The following UBASH3A variants were observed in gnomAD, a reference collection of about 807,000 sequenced individuals.
UBASH3A encodes ubiquitin associated and SH3 domain containing A.
A neutral mutation model predicts 73.5 loss-of-function variants in UBASH3A; 63 were observed. The observed-to-expected ratio is 0.86, with a 90% CI of 0.70 to 1.06. The LOEUF is 1.06. UBASH3A is among the 50% of genes least tolerant of loss of function. UBASH3A has a pLI of 0.00. For missense variants in UBASH3A, 860 were observed against 859.0 expected (o/e 1.00, Z -0.02); for synonymous variants, 363 against 351.1 (o/e 1.03, Z -0.38).
At chr21:42,444,932 G>T (rs778466837) in intron 14 of UBASH3A, among the ~76,000 whole-genome samples, 3 of 152,036 alleles carry the variant, frequency 2.0e-5, no homozygotes, top group Non-Finnish European at 4.4e-5. Context: ...GACGGTCCAG[G>T]AAGGAGTAAG....
At chr21:42,404,761 C>A (rs994270660) in intron 1 of UBASH3A, among the ~76,000 whole-genome samples, 1 of 152,206 alleles carries the variant, frequency 6.6e-6, no homozygotes, top group African/African-American at 2.4e-5. Flanking sequence ...GAGACAATCC[C>A]TTGAGTGTCT....
intron 10 of UBASH3A, among the ~76,000 whole-genome samples, chr21:42,436,577 ACT>A (rs1426425945): frequency 7.9e-5 from 12 of 152,026 alleles, no homozygotes; most frequent in Non-Finnish European, 1.2e-4. Flanking sequence ...TTAACTTATC[ACT>A]CTGTAAAAAT....
chr21:42,436,906 C>T (rs1019415517), intron 10 of UBASH3A, among the ~76,000 whole-genome samples: 2 of 152,246 alleles, frequency 1.3e-5, no homozygotes, highest in African/African-American at 4.8e-5. Context: ...AAGCCCAGGC[C>T]CACGAGGCTG....
Position 42,444,442 on chromosome 21 carries a change from T to C in UBASH3A, c.1739-92T>C, listed in dbSNP as rs1271068556. ...CGCCAGGCTTCGGGGCACTCTGAGA[T>C]AGCTCTGCCCCCCACCACTTTGGGG... is the stretch of plus-strand genomic sequence containing the variant. On this transcript the variant is annotated intron_variant, in intron 13 of 14. Coordinates refer to ENST00000319294, the MANE Select transcript of UBASH3A (RefSeq NM_018961.4). 11 of 945,880 alleles carry C rather than the reference T, an allele frequency of 1.2e-5. 1 individual carries two copies. Among genetic ancestry groups the C allele is most frequent in the Non-Finnish European group, 1.9e-5 (11 of 588,264 alleles). 58.6% of individuals were successfully genotyped at this position (945,880 alleles called of 1,614,324 possible).
At chr21:42,427,423 G>A (rs2053457141) in intron 8 of UBASH3A, among the ~76,000 whole-genome samples, 1 of 152,182 alleles carries the variant, frequency 6.6e-6, no homozygotes, top group Non-Finnish European at 1.5e-5. Context: ...GCTGGCCTTT[G>A]TCTGGTTGCC....
chr21:42,408,883 A>AAAAACAAAAT (rs2053029758), intron 2 of UBASH3A, among the ~76,000 whole-genome samples: 2 of 115,416 alleles, frequency 1.7e-5, no homozygotes, highest in African/African-American at 6.9e-5. Flanking sequence ...ACTCCATCTC[A>AAAAACAAAAT]AAAATAAAAT....
At chr21:42,407,470 C>G (rs1034180992) in intron 2 of UBASH3A, among the ~76,000 whole-genome samples, 1 of 152,216 alleles carries the variant, frequency 6.6e-6, no homozygotes, top group African/African-American at 2.4e-5. Flanking sequence ...AGGGCATGGC[C>G]AGCACCTGCC....
At chr21:42,420,825 C>A (rs1163681802) in intron 7 of UBASH3A, among the ~76,000 whole-genome samples, 1 of 152,230 alleles carries the variant, frequency 6.6e-6, no homozygotes, top group African/African-American at 2.4e-5. Context: ...AATAACCTTG[C>A]TTTTGATTAA....
Position 42,413,655 on chromosome 21 carries a change from G to GTA in UBASH3A, c.667+132_667+133insTA. The GTA allele has an allele frequency of 2.9e-6, 2 of 698,750 alleles. No individual in the cohort carries two copies. Among genetic ancestry groups the GTA allele is most frequent in the Non-Finnish European group, 4.7e-6 (2 of 424,764 alleles). The allele number at this position is 698,750 out of a possible 1,614,324, so 43.3% of individuals were successfully genotyped here. On this transcript the variant is annotated intron_variant, in intron 5 of 14. Coordinates refer to ENST00000319294, the MANE Select transcript of UBASH3A (RefSeq NM_018961.4). This position sits in a 1 kb window ranked among gnomAD's most constrained non-coding sequence, Gnocchi z 4.5. ...CTGGGAAAGTGCCCCAGAAGGGTGTGCCAAGCATCAAGCCTGAGTGGGTGA... is the reference window on the plus strand; with the variant it reads ...CTGGGAAAGTGCCCCAGAAGGGTGTGTACCAAGCATCAAGCCTGAGTGGGTGA...
chr21:42,442,544 A>G lies in UBASH3A; in HGVS notation c.1579A>G (p.Met527Val). The change falls in exon 12 of 15, where the codon ATG (methionine) becomes GTG (valine). Residue 527 changes from methionine (M) to valine (V), a missense_variant. By Grantham distance (21) the Met-to-Val change is conservative (BLOSUM62 1). Transcript: ENST00000319294. ...AGCTGGCAAAACCACCCCAACCCTC[A>G]TGAGCCTGGAAGAGCTGAAAGAGGC... ...WEAGKTTPTL[M>V]SLEELKEANF... The G allele has an allele frequency of 6.2e-7, 1 of 1,614,208 alleles. No homozygotes were observed. Among genetic ancestry groups the G allele is most frequent in the Non-Finnish European group, 8.5e-7 (1 of 1,180,028 alleles).
chr21:42,421,796 G>A (rs876497), intron 7 of UBASH3A, among the ~76,000 whole-genome samples: 56,453 of 151,952 alleles, frequency 0.37, 11,090 homozygotes, highest in African/African-American at 0.5. Flanking sequence ...AAGAAAGAAC[G>A]TATTTTGAAG....
intron 10 of UBASH3A, among the ~76,000 whole-genome samples, chr21:42,435,982 TAGTTATAG>T (rs1047685699): frequency 1.0e-5 from 1 of 97,284 alleles, no homozygotes; most frequent in Non-Finnish European, 2.0e-5. Context: ...ATTATAGAGT[TAGTTATAG>T]AGTTATAGAG....
At chr21:42,420,702 G>A (rs956525833) in intron 7 of UBASH3A, among the ~76,000 whole-genome samples, 2 of 152,166 alleles carry the variant, frequency 1.3e-5, no homozygotes, top group Admixed American at 1.3e-4. Context: ...AGGACCACCC[G>A]GGTGATGGGA....
At chr21:42,430,195 T>C (rs1288713379) in intron 8 of UBASH3A, among the ~76,000 whole-genome samples, 1 of 152,192 alleles carries the variant, frequency 6.6e-6, no homozygotes, top group African/African-American at 2.4e-5. Context: ...GGGGGACCAC[T>C]CTTGCCAGAG....
At chr21:42,414,631 A>G (rs2146512742) in intron 5 of UBASH3A, among the ~76,000 whole-genome samples, 1 of 152,316 alleles carries the variant, frequency 6.6e-6, no homozygotes, top group East Asian at 1.9e-4. Flanking sequence ...GAGGCCGCAC[A>G]GAGACACAGA....
intron 2 of UBASH3A, among the ~76,000 whole-genome samples, chr21:42,408,948 T>TAAAAA (rs916144198): frequency 1.4e-5 from 2 of 144,164 alleles, no homozygotes; most frequent in East Asian, 4.1e-4. Flanking sequence ...TAAAATAAAA[T>TAAAAA]AAAAACTGTC....
chr21:42,410,074 A>G (rs1240947847), intron 3 of UBASH3A: 1 of 702,144 alleles, frequency 1.4e-6, no homozygotes, highest in Non-Finnish European at 2.6e-6. Flanking sequence ...AGGATGGGTG[A>G]TTGTTGGCTA....
intron 7 of UBASH3A, among the ~76,000 whole-genome samples, chr21:42,424,382 C>A (rs752240766): frequency 6.6e-6 from 1 of 152,232 alleles, no homozygotes; most frequent in African/African-American, 2.4e-5. Flanking sequence ...CCGTGCCAGA[C>A]GGTGCAGGGA....
At chr21:42,445,535 C>G (rs1412978875) in intron 14 of UBASH3A, among the ~76,000 whole-genome samples, 1 of 152,226 alleles carries the variant, frequency 6.6e-6, no homozygotes. Context: ...GAGCCCAACT[C>G]CCGGGCCCAG....
Sources: gnomAD v4.1 joint callset for allele counts (sites outside exome capture counted in the v4.1 genomes callset) on GRCh38, gnomAD v4.1.1 for gene constraint, Gnocchi (gnomAD v3.1) non-coding constraint, MANE v1.5 for transcripts, NCBI Gene and HGNC (gene_info 2026-07-23, HGNC 2026-07-21) for gene names.